Variants in CAMKK2 observed in about 807,000 individuals in gnomAD.
CAMKK2 encodes calcium/calmodulin-dependent protein kinase kinase 2.
In CAMKK2, 30 loss-of-function variants were observed where a neutral mutation model predicts 67.2. That is an observed-to-expected ratio of 0.45 (90% CI 0.33 to 0.61). The LOEUF (loss-of-function observed/expected upper bound fraction) is 0.61. CAMKK2 is among the 20% of genes least tolerant of loss of function. The pLI, the probability that CAMKK2 is intolerant of heterozygous loss-of-function variation, is 0.02. For synonymous variants in CAMKK2, 322 were observed against 326.2 expected, an observed-to-expected ratio of 0.99 and a Z score of 0.14; for missense variants, 643 against 802.0, an observed-to-expected ratio of 0.80 and a Z score of 2.39.
intron 5 of CAMKK2, 78 bp from the exon 6 acceptor site, chr12:121,264,017 A>G: frequency 7.2e-7 from 1 of 1,382,628 alleles, no homozygotes; most frequent in East Asian, 2.7e-5. Context: ...GTGGGATGCC[A>G]AAAGGTGGGA....
chr12:121,278,055 C>T (rs1897129965), intron 1 of CAMKK2, among the ~76,000 whole-genome samples: 1 of 152,196 alleles, frequency 6.6e-6, no homozygotes, highest in Non-Finnish European at 1.5e-5. Flanking sequence ...TAGGATGCTA[C>T]GGGATCAGAC....
At chr12:121,286,395 T>G (rs530721712) in intron 1 of CAMKK2, among the ~76,000 whole-genome samples, 1 of 152,364 alleles carries the variant, frequency 6.6e-6, no homozygotes, top group African/African-American at 2.4e-5. Context: ...AACTGGCATT[T>G]TCAACACAAG....
intron 16 of CAMKK2, chr12:121,243,787 C>A: frequency 1.1e-6 from 1 of 945,316 alleles, no homozygotes; most frequent in South Asian, 2.4e-5. Context: ...ATACACTTCC[C>A]GTGGGTGAAT....
Position 121,268,679 on chromosome 12 carries a change from A to G in CAMKK2, c.584T>C (p.Val195Ala), listed in dbSNP as rs1305210574. The change falls in exon 5 of 17, where the codon GTG (valine) becomes GCG (alanine). Residue 195 changes from valine (V) to alanine (A), a missense_variant. Transcript: ENST00000404169. Reference protein sequence around the residue: ...ENDNTYYAMKVLSKKKLIRQA... With the variant: ...ENDNTYYAMKALSKKKLIRQA... ...CCGGATCAGCTTCTTTTTGGACAGC[A>G]CCTTCATTGCCTGCAGGAAAATGAA... 1 of 1,613,968 alleles carries G rather than the reference A, an allele frequency of 6.2e-7. No homozygotes were observed. Among genetic ancestry groups the G allele is most frequent in the Non-Finnish European group, 8.5e-7 (1 of 1,179,960 alleles).
At chr12:121,258,741 C>T (rs1865336029) in intron 7 of CAMKK2, among the ~76,000 whole-genome samples, 1 of 152,038 alleles carries the variant, frequency 6.6e-6, no homozygotes, top group Non-Finnish European at 1.5e-5. Flanking sequence ...AAGCAGATCA[C>T]GAAACTCTTC....
At position 121,285,854 on chromosome 12, in the gene CAMKK2, C is replaced by G. The variant is rs558927878; in HGVS notation, c.-60+10784G>C. Among the ~76,000 whole-genome samples, 9 of 152,092 alleles carry G rather than the reference C, an allele frequency of 5.9e-5. No homozygotes were observed. Among genetic ancestry groups the G allele is most frequent in the Non-Finnish European group, 1.0e-4 (7 of 68,016 alleles). On this transcript the variant is annotated intron_variant, in intron 1 of 16. Coordinates refer to ENST00000404169, the MANE Select transcript of CAMKK2 (RefSeq NM_001270485.2). This position sits in a 1 kb window ranked among gnomAD's most constrained non-coding sequence, Gnocchi z 4.1. The stretch of plus-strand genomic sequence containing the variant: ...TGTGACCCAAGTCAGTCTATTGGGT[C>G]TTATTCTGTGATTTTGTGGAAGTGT...
At chr12:121,275,714 G>A (rs1343062205) in intron 1 of CAMKK2, among the ~76,000 whole-genome samples, 2 of 151,956 alleles carry the variant, frequency 1.3e-5, no homozygotes, top group Non-Finnish European at 2.9e-5. Context: ...GTGGGGAATG[G>A]CTGCTTAATG....
intron 6 of CAMKK2, among the ~76,000 whole-genome samples, chr12:121,263,097 G>A (rs1048091686): frequency 6.6e-6 from 1 of 152,044 alleles, no homozygotes; most frequent in Non-Finnish European, 1.5e-5. Context: ...GCCTCCTGAA[G>A]TGGCTGGGAT....
rs200150673 is a variant in CAMKK2, at chr12:121,263,900, C to T, written c.665G>A (p.Gly222Asp). The T allele has an allele frequency of 5.6e-6, 9 of 1,608,752 alleles. No homozygotes were observed. The highest frequency in any genetic ancestry group is 1.3e-5 in the African/African-American group (1 of 74,826). ...PPRGTRPAPG[G>D]CIQPRGPIEQ... ...AATGGGGCCCCTGGGCTGGATGCAG[C>T]CTCCAGGAGCTGGCCGGGTGCCTCG... Residue 222 changes from glycine to aspartate, a missense_variant, in exon 6 of 17, where the codon GGC (glycine) becomes GAC (aspartate). Gly to Asp is a moderately conservative substitution (Grantham distance 94, BLOSUM62 -1). Around this residue, in one of 3 missense-constraint regions of CAMKK2, gnomAD observed 483 missense variants for 625.8 expected, o/e 0.77. Coordinates refer to ENST00000404169, the MANE Select transcript of CAMKK2 (RefSeq NM_001270485.2).
rs1891211671 is a variant in CAMKK2 at position 121,253,485 on chromosome 12, A to G, written c.908-13T>C. 3 of 1,613,228 alleles carry G rather than the reference A, an allele frequency of 1.9e-6. No individual in the cohort carries two copies. In the East Asian group the frequency reaches 6.7e-5, roughly 36 times the overall value. ...TTCTGGTAGTGTACTGGGGAGGCGT[A>G]GACAGCAGGTGGGAGATAGGGGCAG... On this transcript the variant is annotated splice_polypyrimidine_tract_variant and intron_variant, in intron 9 of 16. Coordinates refer to ENST00000404169, the MANE Select transcript of CAMKK2 (RefSeq NM_001270485.2). The surrounding 1 kb of genome is among the most constrained non-coding windows in gnomAD (Gnocchi z 5.0).
In CAMKK2 at chr12:121,255,791, G is replaced by A. The variant is rs767734058; in HGVS notation, c.810C>T (p.Val270=). Residue 270 remains valine, a synonymous_variant, in exon 8 of 17, where the codon GTC becomes GTT. Coordinates refer to ENST00000404169, the MANE Select transcript of CAMKK2 (RefSeq NM_001270485.2). ...EDHLYMVFEL[V]NQGPVMEVPT... is the part of the protein sequence containing the mutation. Reference sequence around the variant, plus strand: ...GGAGCTGGGACACTCACCCTTGGTTGACCAGTTCGAACACTGTAGGGAAGA... The same window carrying A: ...GGAGCTGGGACACTCACCCTTGGTTAACCAGTTCGAACACTGTAGGGAAGA... The A allele has an allele frequency of 1.2e-6, 2 of 1,613,974 alleles. No homozygotes were observed. The highest frequency in any genetic ancestry group is 4.5e-5 in the East Asian group (2 of 44,884).
intron 1 of CAMKK2, among the ~76,000 whole-genome samples, chr12:121,290,239 T>A (rs1899728311): frequency 6.6e-6 from 1 of 152,220 alleles, no homozygotes; most frequent in South Asian, 2.1e-4. Flanking sequence ...TGGGCGGGTA[T>A]TCCTGGCAAA....
chr12:121,292,250 C>T (rs964659938), intron 1 of CAMKK2, among the ~76,000 whole-genome samples: 55 of 151,534 alleles, frequency 3.6e-4, no homozygotes, highest in East Asian at 2.0e-4. Flanking sequence ...CTCAGTCTCC[C>T]GAGTGGCTGG....
At chr12:121,297,747 C>G (rs1395739717), upstream of CAMKK2, 1 of 505,684 alleles carries the variant, frequency 2.0e-6, no homozygotes, top group Non-Finnish European at 3.9e-6. Flanking sequence ...GTTCAAAGCC[C>G]TCTAGTTAAC....
chr12:121,295,855 C>T (rs1901045818), intron 1 of CAMKK2, among the ~76,000 whole-genome samples: 2 of 152,324 alleles, frequency 1.3e-5, no homozygotes, highest in East Asian at 1.9e-4. Context: ...CCCACTTCCC[C>T]AGCTAGGCAG....
chr12:121,262,506 C>T (rs1372834576), intron 6 of CAMKK2, among the ~76,000 whole-genome samples: 5 of 149,480 alleles, frequency 3.3e-5, no homozygotes, highest in South Asian at 2.1e-4. Context: ...AGTGAGACTC[C>T]GTCTCAAAAA....
At chr12:121,247,521 G>C (rs1001711433) in intron 14 of CAMKK2, among the ~76,000 whole-genome samples, 1 of 152,228 alleles carries the variant, frequency 6.6e-6, no homozygotes, top group Non-Finnish European at 1.5e-5. Flanking sequence ...GTAACCCACG[G>C]TGGGTGCAGA....
At chr12:121,265,296 C>A (rs553051984) in intron 5 of CAMKK2, among the ~76,000 whole-genome samples, 37 of 151,936 alleles carry the variant, frequency 2.4e-4, no homozygotes, top group Non-Finnish European at 4.3e-4. Flanking sequence ...AAAGCTGAGT[C>A]CAAAGGAAAA....
At position 121,274,345 on chromosome 12, in the gene CAMKK2, C is replaced by A. The variant is rs202061927; in HGVS notation, c.182G>T (p.Gly61Val). ...CGCCAAGCCGAGGTCCACAGCACAGCCCGGCTCACACTCGGTGACCACAAT... is the reference window on the plus strand; with the variant it reads ...CGCCAAGCCGAGGTCCACAGCACAGACCGGCTCACACTCGGTGACCACAAT... Reference protein sequence around the residue: ...SFIVVTECEPGCAVDLGLARD... With the variant: ...SFIVVTECEPVCAVDLGLARD... Residue 61 changes from glycine (G) to valine (V), a missense_variant, in exon 2 of 17, where the codon GGC becomes GTC. Transcript: ENST00000404169. 6.2e-7 allele frequency: 1 copy of A among 1,613,384 alleles called. No individual in the cohort carries two copies. Among genetic ancestry groups the A allele is most frequent in the Non-Finnish European group, 8.5e-7 (1 of 1,179,900 alleles).
Sources: allele counts gnomAD v4.1 joint callset (sites outside exome capture counted in the v4.1 genomes callset), GRCh38; gene constraint gnomAD v4.1.1; regional missense constraint gnomAD v4.1.1; non-coding constraint Gnocchi (gnomAD v3.1); transcripts MANE v1.5; gene names NCBI Gene and HGNC (gene_info 2026-07-23, HGNC 2026-07-21).